NAV2: variants seen among roughly 807,000 people sequenced by gnomAD.
The protein encoded by NAV2 is helicase, APC down-regulated 1.
Under a neutral mutation model 223.2 loss-of-function variants are expected in NAV2, and 54 were observed. The ratio of observed to expected loss-of-function variants is 0.24; its 90% CI spans 0.19 to 0.30. The LOEUF (loss-of-function observed/expected upper bound fraction) is 0.30, where lower values mean the gene tolerates loss of function less well. Ranked by LOEUF, NAV2 falls within the 10% of genes least tolerant of loss-of-function variation. The pLI is 1.00. For missense variants in NAV2, 2,806 were observed against 3,147.5 expected (o/e 0.89, Z 2.60); for synonymous variants, 1,279 against 1,239.3 (o/e 1.03, Z -0.67).
intron 1 of NAV2, among the ~76,000 whole-genome samples, chr11:19,775,543 G>T (rs116762728): frequency 6.6e-4 from 100 of 152,336 alleles, no homozygotes; most frequent in African/African-American, 2.4e-3. Flanking sequence ...GAACAGTAGG[G>T]AAACAAAACA....
chr11:19,681,990 G>T (rs921665239), intron 1 of NAV2, among the ~76,000 whole-genome samples: 7 of 152,158 alleles, frequency 4.6e-5, no homozygotes, highest in Admixed American at 2.0e-4. Context: ...TTAGTCACAT[G>T]ATCTGATCAA....
intron 6 of NAV2, among the ~76,000 whole-genome samples, chr11:19,916,831 G>A (rs2043849102): frequency 6.6e-6 from 1 of 152,238 alleles, no homozygotes; most frequent in Non-Finnish European, 1.5e-5. Context: ...GCTGGATTTG[G>A]CCTTCAGGCC....
intron 1 of NAV2, among the ~76,000 whole-genome samples, chr11:19,474,602 G>A (rs955670809): frequency 6.6e-6 from 1 of 152,178 alleles, no homozygotes; most frequent in African/African-American, 2.4e-5. Flanking sequence ...TGAAGGAGTG[G>A]ATGAGGGTGA....
intron 11 of NAV2, among the ~76,000 whole-genome samples, chr11:20,015,350 T>TG (rs1410742759): frequency 2.0e-5 from 3 of 152,174 alleles, no homozygotes; most frequent in African/African-American, 7.2e-5. Context: ...TGGGGTTTTA[T>TG]GGGGTAATCT....
chr11:20,039,281 C>T (rs189660551), intron 12 of NAV2, among the ~76,000 whole-genome samples: 1 of 152,162 alleles, frequency 6.6e-6, no homozygotes, highest in Non-Finnish European at 1.5e-5. Context: ...CATAACATGG[C>T]ACTAATTAGA....
intron 1 of NAV2, among the ~76,000 whole-genome samples, chr11:19,408,520 A>G (rs1849999575): frequency 6.6e-6 from 1 of 152,204 alleles, no homozygotes; most frequent in African/African-American, 2.4e-5. Flanking sequence ...TTGGCAGTTC[A>G]GGTCCTGCTA....
chr11:19,363,715 A>G (rs1187786163), intron 1 of NAV2, among the ~76,000 whole-genome samples: 2 of 152,194 alleles, frequency 1.3e-5, no homozygotes, highest in East Asian at 3.8e-4. Flanking sequence ...CCCCAATTTC[A>G]GATGCCAATT....
chr11:19,635,305 A>T (rs1194997698), intron 1 of NAV2, among the ~76,000 whole-genome samples: 3 of 152,220 alleles, frequency 2.0e-5, no homozygotes, highest in Non-Finnish European at 4.4e-5. Flanking sequence ...ACAGCAATGC[A>T]TAATCAGATT....
At position 20,120,252 on chromosome 11, in the gene NAV2, C is replaced by T. The variant is rs2063404144; in HGVS notation, c.*1994C>T. ...TTGAAAAGAAAAGGGGAATGTGTCC[C>T]ACTAGTGAAAGGAAAACTTTTCAAC... On this transcript the variant is annotated 3_prime_UTR_variant, in exon 38 of 38. Transcript: ENST00000349880. 6.6e-6 allele frequency: 1 copy of T among 152,180 alleles called. No individual in the cohort carries two copies. The highest frequency in any genetic ancestry group is 6.5e-5 in the Admixed American group (1 of 15,282). The allele number at this position is 152,180 out of a possible 1,614,324, so 9.4% of individuals were successfully genotyped here.
chr11:19,534,201 C>T (rs1210358012), intron 1 of NAV2, among the ~76,000 whole-genome samples: 1 of 152,150 alleles, frequency 6.6e-6, no homozygotes, highest in Non-Finnish European at 1.5e-5. Flanking sequence ...GAGTGTTGGC[C>T]AACCCCTGGT....
intron 10 of NAV2, among the ~76,000 whole-genome samples, chr11:19,976,484 C>G (rs979684852): frequency 3.3e-5 from 5 of 152,194 alleles, no homozygotes; most frequent in African/African-American, 1.2e-4. Flanking sequence ...CCCCTGGGAC[C>G]TTTTGACTCC....
intron 35 of NAV2, among the ~76,000 whole-genome samples, chr11:20,107,057 ATTTTTTTTTTT>A (rs10590815): frequency 5.9e-3 from 161 of 27,236 alleles, no homozygotes; most frequent in African/African-American, 0.019. Flanking sequence ...ATGGGCTTCC[ATTTTTTTTTTT>A]TTTTTTTTTT....
intron 1 of NAV2, among the ~76,000 whole-genome samples, chr11:19,800,097 CATT>C (rs1424669305): frequency 1.3e-5 from 2 of 152,204 alleles, no homozygotes; most frequent in African/African-American, 4.8e-5. Flanking sequence ...GCAGGTATGA[CATT>C]AGTGATGGTT....
intron 1 of NAV2, among the ~76,000 whole-genome samples, chr11:19,375,496 A>C (rs1003371400): frequency 1.3e-5 from 2 of 152,174 alleles, no homozygotes; most frequent in Non-Finnish European, 2.9e-5. Context: ...CCACAAACTC[A>C]GCTCTTGCTC....
At chr11:19,559,704 G>A (rs1248513607) in intron 1 of NAV2, among the ~76,000 whole-genome samples, 1 of 152,200 alleles carries the variant, frequency 6.6e-6, no homozygotes, top group African/African-American at 2.4e-5. Flanking sequence ...GAATGTTAAT[G>A]ACAAGCCATT....
chr11:19,857,038 G>A (rs2061445707), intron 3 of NAV2, among the ~76,000 whole-genome samples: 1 of 152,232 alleles, frequency 6.6e-6, no homozygotes, highest in African/African-American at 2.4e-5. Context: ...GCTGAGGAAT[G>A]AGTTTCACTC....
chr11:19,667,794 A>T (rs144590841), intron 1 of NAV2, among the ~76,000 whole-genome samples: 1 of 152,352 alleles, frequency 6.6e-6, no homozygotes, highest in Non-Finnish European at 1.5e-5. Flanking sequence ...TTTTAGACCC[A>T]GAACAGTGTC....
intron 1 of NAV2, among the ~76,000 whole-genome samples, chr11:19,678,297 T>G (rs1565160250): frequency 1.3e-5 from 2 of 152,180 alleles, no homozygotes; most frequent in Non-Finnish European, 2.9e-5. Flanking sequence ...AGTATTCTCG[T>G]TTTGTACATG....
chr11:19,844,022 A>G (rs2060647199), intron 3 of NAV2, among the ~76,000 whole-genome samples: 1 of 152,166 alleles, frequency 6.6e-6, no homozygotes, highest in Non-Finnish European at 1.5e-5. Context: ...ATATTCTGAA[A>G]CAAGTTTTTG....
Sources: gnomAD v4.1 joint callset for allele counts (sites outside exome capture counted in the v4.1 genomes callset) on GRCh38, gnomAD v4.1.1 for gene constraint, MANE v1.5 for transcripts, NCBI Gene and HGNC (gene_info 2026-07-23, HGNC 2026-07-21) for gene names.